The following TRHDE variants were observed in gnomAD, a reference collection of about 807,000 sequenced individuals.
TRHDE encodes thyrotropin releasing hormone degrading enzyme, also known as thyrotropin-releasing hormone-degrading ectoenzyme.
A neutral mutation model predicts 125.7 loss-of-function variants in TRHDE; 72 were observed. That is an observed-to-expected ratio of 0.57 (90% CI 0.47 to 0.70). TRHDE has a LOEUF of 0.70. Ranked by LOEUF, TRHDE falls within the 30% of genes least tolerant of loss-of-function variation. TRHDE has a pLI of 0.00. For missense variants in TRHDE, 1,110 were observed against 1,327.1 expected, an observed-to-expected ratio of 0.84 and a Z score of 2.54; for synonymous variants, 509 against 509.1, an observed-to-expected ratio of 1.00 and a Z score of 0.00.
chr12:72,635,972 A>C (rs1873727184), intron 15 of TRHDE, among the ~76,000 whole-genome samples: 2 of 151,354 alleles, frequency 1.3e-5, no homozygotes, highest in African/African-American at 4.8e-5. Flanking sequence ...CTTAGGATTG[A>C]CTTGGCGATG....
chr12:72,375,726 A>G (rs2135772153), intron 2 of TRHDE, among the ~76,000 whole-genome samples: 1 of 152,322 alleles, frequency 6.6e-6, no homozygotes, highest in South Asian at 2.1e-4. Flanking sequence ...AATGTAACTT[A>G]ATAAATGAGA....
At chr12:72,544,077 G>A (rs903465893) in intron 7 of TRHDE, among the ~76,000 whole-genome samples, 1 of 151,220 alleles carries the variant, frequency 6.6e-6, no homozygotes, top group Non-Finnish European at 1.5e-5. Flanking sequence ...CATTTCATTT[G>A]CCTGGTGACA....
At chr12:72,093,799 A>G (rs1874847267) in intron 1 of TRHDE, among the ~76,000 whole-genome samples, 1 of 152,108 alleles carries the variant, frequency 6.6e-6, no homozygotes, top group Non-Finnish European at 1.5e-5. Context: ...GCTTATTTAA[A>G]TTATTTTTCA....
chr12:72,604,476 G>A (rs763913660), intron 12 of TRHDE, among the ~76,000 whole-genome samples: 3 of 151,810 alleles, frequency 2.0e-5, no homozygotes, highest in Non-Finnish European at 4.4e-5. Flanking sequence ...ATTATTGTTA[G>A]CATTGTATAT....
intron 2 of TRHDE, among the ~76,000 whole-genome samples, chr12:72,185,770 G>A (rs1405638680): frequency 6.6e-6 from 1 of 150,770 alleles, no homozygotes; most frequent in Non-Finnish European, 1.5e-5. Flanking sequence ...CTAGCTCAGG[G>A]ATTGTAAATA....
chr12:72,595,120 G>C (rs917004278), intron 12 of TRHDE, among the ~76,000 whole-genome samples: 30 of 112,614 alleles, frequency 2.7e-4, no homozygotes, highest in Admixed American at 1.2e-3. Flanking sequence ...TTGTGGGGTG[G>C]GGGGAGGGGG....
At chr12:72,615,417 C>A (rs1329214571) in intron 12 of TRHDE, among the ~76,000 whole-genome samples, 1 of 152,144 alleles carries the variant, frequency 6.6e-6, no homozygotes, top group Non-Finnish European at 1.5e-5. Flanking sequence ...ATTCCACATA[C>A]TTTCCTATAT....
At chr12:72,414,788 T>C (rs1873661241) in intron 3 of TRHDE, among the ~76,000 whole-genome samples, 1 of 152,180 alleles carries the variant, frequency 6.6e-6, no homozygotes, top group Non-Finnish European at 1.5e-5. Flanking sequence ...ACATAATTTA[T>C]TCATTTACTG....
intron 6 of TRHDE, among the ~76,000 whole-genome samples, chr12:72,514,676 G>A (rs1878754218): frequency 6.6e-6 from 1 of 150,868 alleles, no homozygotes; most frequent in Non-Finnish European, 1.5e-5. Flanking sequence ...CAGGGTACAT[G>A]TGCACAATGT....
intron 3 of TRHDE, among the ~76,000 whole-genome samples, chr12:72,444,311 A>T (rs1289002268): frequency 6.6e-6 from 1 of 151,848 alleles, no homozygotes; most frequent in Non-Finnish European, 1.5e-5. Context: ...TTCTAATTGC[A>T]CTGTAAAAGT....
intron 15 of TRHDE, among the ~76,000 whole-genome samples, chr12:72,633,527 C>T (rs1592584957): frequency 6.6e-6 from 1 of 152,038 alleles, no homozygotes; most frequent in Admixed American, 6.6e-5. Context: ...AATGCAAATG[C>T]TGTTTAGGCA....
chr12:72,644,747 G>A (rs1242848803), intron 15 of TRHDE, among the ~76,000 whole-genome samples: 1 of 152,170 alleles, frequency 6.6e-6, no homozygotes, highest in East Asian at 1.9e-4. Flanking sequence ...GAGGGAAAGA[G>A]TTGAACTGTG....
At chr12:72,383,981 C>T (rs1255573426) in intron 3 of TRHDE, among the ~76,000 whole-genome samples, 2 of 152,012 alleles carry the variant, frequency 1.3e-5, no homozygotes, top group East Asian at 3.9e-4. Context: ...ACTGATTTTA[C>T]TGATGGTCTT....
chr12:72,648,205 T>C (rs560916502), intron 15 of TRHDE, among the ~76,000 whole-genome samples: 4 of 151,522 alleles, frequency 2.6e-5, no homozygotes, highest in Non-Finnish European at 4.4e-5. Flanking sequence ...CCTTTCATGA[T>C]AAAAAAAAAT....
chr12:72,404,618 C>A (rs1295293401), intron 3 of TRHDE, among the ~76,000 whole-genome samples: 1 of 152,098 alleles, frequency 6.6e-6, no homozygotes, highest in Admixed American at 6.6e-5. Context: ...AGAGTTTATG[C>A]AGGGAAACTC....
intron 2 of TRHDE, among the ~76,000 whole-genome samples, chr12:72,137,083 A>C (rs1876003310): frequency 6.6e-6 from 1 of 152,190 alleles, no homozygotes; most frequent in Non-Finnish European, 1.5e-5. Flanking sequence ...TTTGAAAAGA[A>C]TAGGAAGACA....
At chr12:72,318,563 AGAACACCACGGCC>A (rs1868920458) in intron 2 of TRHDE, among the ~76,000 whole-genome samples, 1 of 152,124 alleles carries the variant, frequency 6.6e-6, no homozygotes, top group Non-Finnish European at 1.5e-5. Flanking sequence ...TCCCAAGAAG[AGAACACCACGGCC>A]CAGCTGTGAG....
At position 72,603,777 on chromosome 12, in the gene TRHDE, G is replaced by C. The variant is rs114014441; in HGVS notation, c.2322-15114G>C. ...ACAACAACAACAACAAAAAAACAAT[G>C]TAAGTATACAGATTGAAGTGCACCC... On this transcript the variant is annotated intron_variant, in intron 12 of 18. Coordinates refer to ENST00000261180, the MANE Select transcript of TRHDE (RefSeq NM_013381.3). 2.6e-3 allele frequency among the ~76,000 whole-genome samples: 390 copies of C among 151,506 alleles called. 1 individual carries two copies. Among genetic ancestry groups the C allele is most frequent in the African/African-American group, 9.2e-3 (379 of 41,374 alleles).
intron 2 of TRHDE, among the ~76,000 whole-genome samples, chr12:72,191,107 C>G (rs1366997931): frequency 6.6e-6 from 1 of 152,180 alleles, no homozygotes; most frequent in Non-Finnish European, 1.5e-5. Flanking sequence ...AAAAGTAAGA[C>G]AGTGGTTGGA....
Sources: gnomAD v4.1 joint callset for allele counts (sites outside exome capture counted in the v4.1 genomes callset) on GRCh38, gnomAD v4.1.1 for gene constraint, MANE v1.5 for transcripts, NCBI Gene and HGNC (gene_info 2026-07-23, HGNC 2026-07-21) for gene names.